The following BASP1 variants were observed in gnomAD, a reference collection of about 807,000 sequenced individuals.
BASP1 encodes brain acid soluble protein 1.
In BASP1, 1 loss-of-function variant was observed where a neutral mutation model predicts 2.2. The ratio of observed to expected loss-of-function variants is 0.46; its 90% CI spans 0.16 to 2.17. BASP1 has a LOEUF of 2.17. BASP1 is among the 30% of genes most tolerant of loss of function. BASP1 has a pLI of 0.27. For synonymous variants in BASP1, 187 were observed against 154.2 expected (o/e 1.21, Z -1.58); for missense variants, 352 against 327.2 (o/e 1.08, Z -0.58).
rs1022660457 is a variant in BASP1 at position 17,275,087 on chromosome 5, AC to A, written c.-9-117del. On this transcript the variant is annotated intron_variant, in intron 1 of 1. Transcript: ENST00000322611. The surrounding 1 kb of genome is among the most constrained non-coding windows in gnomAD (Gnocchi z 5.3). ...GTGCCTAACTATAGTTTACCATGCCACCCCTTTGGGGTGTGCAGTGCAGCAG... is the reference window on the plus strand; with the variant it reads ...GTGCCTAACTATAGTTTACCATGCCACCCTTTGGGGTGTGCAGTGCAGCAG... 9 of 800,414 alleles carry A rather than the reference AC, an allele frequency of 1.1e-5. No homozygotes were observed. The highest frequency in any genetic ancestry group is 8.8e-5 in the African/African-American group (5 of 56,914). 49.6% of individuals were successfully genotyped at this position (800,414 alleles called of 1,614,324 possible).
At chr5:17,229,801 TTTG>T (rs2126491956) in intron 1 of BASP1, among the ~76,000 whole-genome samples, 1 of 151,526 alleles carries the variant, frequency 6.6e-6, no homozygotes, top group African/African-American at 2.4e-5. Context: ...TTTTTTTTTT[TTTG>T]ATGGAGTCTT....
rs542190878 is a variant in BASP1, at chr5:17,258,750, T to A, written c.-9-16458T>A. 3.9e-5 allele frequency among the ~76,000 whole-genome samples: 6 copies of A among 152,340 alleles called. No individual in the cohort carries two copies. The South Asian group carries it at 1.2e-3, about 32-fold the overall frequency. ...GGACAAATACCCTCTGTTATGTTTT[T>A]AAATGTCACAGCCCTCTGGGATTCA... On this transcript the variant is annotated intron_variant, in intron 1 of 1. Transcript: ENST00000322611.
chr5:17,228,744 C>A (rs1739567417), intron 1 of BASP1, among the ~76,000 whole-genome samples: 1 of 152,190 alleles, frequency 6.6e-6, no homozygotes, highest in Admixed American at 6.5e-5. Flanking sequence ...ATTCCTTTAA[C>A]TTGCTTTCTT....
chr5:17,217,053 G>GGGGAGAGAGAGAGA, upstream of BASP1: 1 of 104,144 alleles, frequency 9.6e-6, no homozygotes, highest in Admixed American at 1.1e-4. Flanking sequence ...TAAATGAGGG[G>GGGGAGAGAGAGAGA]GAGAGAGAGA....
intron 1 of BASP1, among the ~76,000 whole-genome samples, chr5:17,242,809 A>T (rs1466421198): frequency 6.6e-6 from 1 of 151,554 alleles, no homozygotes; most frequent in African/African-American, 2.4e-5. Flanking sequence ...GTCCTTGAGG[A>T]GTCGAAGTAA....
intron 1 of BASP1, among the ~76,000 whole-genome samples, chr5:17,262,445 G>A (rs1740331303): frequency 6.6e-6 from 1 of 152,144 alleles, no homozygotes; most frequent in Admixed American, 6.5e-5. Flanking sequence ...GTTGATCTTG[G>A]GCAAGTTATT....
chr5:17,219,372 G>A (rs1258815342), intron 1 of BASP1, among the ~76,000 whole-genome samples: 8 of 152,134 alleles, frequency 5.3e-5, no homozygotes, highest in Non-Finnish European at 1.2e-4. Flanking sequence ...CTGTGTGTGT[G>A]TTTCTTCTTT....
At chr5:17,240,065 G>C (rs981268307) in intron 1 of BASP1, among the ~76,000 whole-genome samples, 7 of 151,882 alleles carry the variant, frequency 4.6e-5, no homozygotes, top group South Asian at 2.1e-4. Flanking sequence ...TCGAGGTCAT[G>C]ATTATTCCAC....
At chr5:17,237,621 CTTTTT>C (rs10607958) in intron 1 of BASP1, among the ~76,000 whole-genome samples, 2 of 141,392 alleles carry the variant, frequency 1.4e-5, no homozygotes, top group Non-Finnish European at 3.1e-5. Flanking sequence ...CCTGACATTG[CTTTTT>C]TTTTTTTTTT....
rs1271449549 is a variant in BASP1, at chr5:17,236,646, C to T, written c.-10+18836C>T. The stretch of plus-strand genomic sequence containing the variant: ...GTAGTTAGATGGCTACTGAATATAT[C>T]CTGAGAGCAGGTCCTAAGAGTTTAT... On this transcript the variant is annotated intron_variant, in intron 1 of 1. Coordinates refer to ENST00000322611, the MANE Select transcript of BASP1 (RefSeq NM_006317.5). The surrounding 1 kb of genome is among the most constrained non-coding windows in gnomAD (Gnocchi z 4.0). Among the ~76,000 whole-genome samples, 1 of 152,046 alleles carries T rather than the reference C, an allele frequency of 6.6e-6. No individual in the cohort carries two copies. Among genetic ancestry groups the T allele is most frequent in the African/African-American group, 2.4e-5 (1 of 41,394 alleles).
At chr5:17,242,402 G>T (rs770510133) in intron 1 of BASP1, among the ~76,000 whole-genome samples, 1 of 151,782 alleles carries the variant, frequency 6.6e-6, no homozygotes, top group Non-Finnish European at 1.5e-5. Context: ...TAAGTCTTGC[G>T]CCGCCCCCCA....
chr5:17,275,909 G>A lies in BASP1; in HGVS notation c.*9G>A. ...TAACCGTGAAAGAGTGACAAGGACA[G>A]CCTATAGGAAAAACAATACCACTTA... On this transcript the variant is annotated 3_prime_UTR_variant, in exon 2 of 2. Transcript: ENST00000322611. The surrounding 1 kb of genome is among the most constrained non-coding windows in gnomAD (Gnocchi z 5.3). 1 of 1,555,392 alleles carries A rather than the reference G, an allele frequency of 6.4e-7. No homozygotes were observed.
upstream of BASP1, chr5:17,217,586 A>C: frequency 7.1e-6 from 1 of 141,122 alleles, no homozygotes; most frequent in Non-Finnish European, 1.5e-5. Flanking sequence ...GGGGAGGGGG[A>C]GCGAGCGCGA....
intron 1 of BASP1, among the ~76,000 whole-genome samples, chr5:17,245,987 G>A (rs555931091): frequency 6.6e-6 from 1 of 152,140 alleles, no homozygotes; most frequent in East Asian, 1.9e-4. Context: ...AAAAAATCAA[G>A]AGAATTCCAG....
intron 1 of BASP1, among the ~76,000 whole-genome samples, chr5:17,274,716 C>T (rs1740592688): frequency 6.6e-6 from 1 of 152,226 alleles, no homozygotes; most frequent in Non-Finnish European, 1.5e-5. Context: ...TGATTAGAAG[C>T]TCCACAACTG....
chr5:17,275,459 G>A lies in BASP1; in HGVS notation c.243G>A (p.Glu81=), dbSNP rs1740623835. ...GEKDAAAAKE[E]APKAEPEKTE... The stretch of plus-strand genomic sequence containing the variant: ...AGGACGCGGCGGCTGCCAAGGAGGA[G>A]GCCCCGAAGGCGGAGCCCGAGAAGA... Residue 81 remains glutamate (E), a synonymous_variant, in exon 2 of 2, where the codon GAG becomes GAA. Transcript: ENST00000322611. The surrounding 1 kb of genome is among the most constrained non-coding windows in gnomAD (Gnocchi z 5.3). 2 of 1,506,460 alleles carry A rather than the reference G, an allele frequency of 1.3e-6. No homozygotes were observed. The highest frequency in any genetic ancestry group is 4.9e-5 in the East Asian group (2 of 40,560). The allele number at this position is 1,506,460 out of a possible 1,614,324, so 93.3% of individuals were successfully genotyped here.
At chr5:17,261,246 A>G (rs1415627069) in intron 1 of BASP1, among the ~76,000 whole-genome samples, 1 of 152,196 alleles carries the variant, frequency 6.6e-6, no homozygotes, top group Non-Finnish European at 1.5e-5. Context: ...TCCTAAAACC[A>G]TTTATAATGT....
chr5:17,237,327 C>G (rs1294936454), intron 1 of BASP1, among the ~76,000 whole-genome samples: 4 of 151,962 alleles, frequency 2.6e-5, no homozygotes, highest in Admixed American at 6.6e-5. Flanking sequence ...CTGGGCGACA[C>G]AGCGAGACTC....
At chr5:17,253,507 C>G (rs1740142395) in intron 1 of BASP1, among the ~76,000 whole-genome samples, 2 of 152,330 alleles carry the variant, frequency 1.3e-5, no homozygotes, top group South Asian at 4.1e-4. Flanking sequence ...GCTACCATGT[C>G]TGGCTTATAA....
Sources: gnomAD v4.1 joint callset for allele counts (sites outside exome capture counted in the v4.1 genomes callset) on GRCh38, gnomAD v4.1.1 for gene constraint, Gnocchi (gnomAD v3.1) non-coding constraint, MANE v1.5 for transcripts, NCBI Gene and HGNC (gene_info 2026-07-23, HGNC 2026-07-21) for gene names.